The following UNC80 variants were observed in gnomAD, a reference collection of about 807,000 sequenced individuals.
UNC80 encodes the protein protein unc-80 homolog.
Under a neutral mutation model 384.6 loss-of-function variants are expected in UNC80, and 164 were observed. The ratio of observed to expected loss-of-function variants is 0.43; its 90% confidence interval spans 0.38 to 0.49. The LOEUF (loss-of-function observed/expected upper bound fraction) is 0.49. UNC80 is among the 20% of genes least tolerant of loss of function. UNC80 has a pLI of 0.00. For missense variants in UNC80, 3,330 were observed against 4,143.0 expected (o/e 0.80, Z 5.39); for synonymous variants, 1,486 against 1,527.8 (o/e 0.97, Z 0.64).
At chr2:209,801,036 T>G (rs2078515365) in intron 7 of UNC80, among the ~76,000 whole-genome samples, 1 of 152,184 alleles carries the variant, frequency 6.6e-6, no homozygotes, top group Non-Finnish European at 1.5e-5. Flanking sequence ...TCTGTTGACT[T>G]GGGGTAGAGA....
At chr2:209,844,787 G>A (rs1007563779) in intron 21 of UNC80, among the ~76,000 whole-genome samples, 1 of 147,370 alleles carries the variant, frequency 6.8e-6, no homozygotes, top group Non-Finnish European at 1.5e-5. Context: ...AGAGATGGGG[G>A]TGGGGGGATC....
intron 64 of UNC80, among the ~76,000 whole-genome samples, chr2:209,994,937 A>G (rs904630399): frequency 3.3e-5 from 5 of 152,004 alleles, no homozygotes; most frequent in Admixed American, 1.3e-4. Flanking sequence ...TTGTTTTGGT[A>G]TATTTTTTCT....
chr2:209,975,448 G>T (rs971085423), intron 56 of UNC80, among the ~76,000 whole-genome samples: 3 of 152,198 alleles, frequency 2.0e-5, no homozygotes, highest in Non-Finnish European at 4.4e-5. Context: ...AGAGGAAAGA[G>T]ATATGGACAA....
chr2:209,786,061 C>G lies in UNC80; in HGVS notation c.601-5C>G, dbSNP rs181537497. The G allele has an allele frequency of 2.2e-5, 35 of 1,612,812 alleles. No individual in the cohort carries two copies. The highest frequency in any genetic ancestry group is 1.1e-4 in the East Asian group (5 of 44,842). On this transcript the variant is annotated splice_polypyrimidine_tract_variant and splice_region_variant and intron_variant, in intron 4 of 64. Coordinates refer to ENST00000673920, the MANE Select transcript of UNC80 (RefSeq NM_001371986.1). ...ATTGGACATATATCTTCTCCTCCCC[C>G]CTAGGAATCTGACCTCACCTTCCGT... is the stretch of plus-strand genomic sequence containing the variant.
At chr2:209,777,608 G>A in intron 4 of UNC80, 49 bp downstream of exon 4, 1 of 1,531,122 alleles carries the variant, frequency 6.5e-7, no homozygotes, top group South Asian at 1.3e-5. Flanking sequence ...GATGTGGTGA[G>A]GGTAGACTTC....
Position 209,883,072 on chromosome 2 carries a change from G to A in UNC80, c.4110+1978G>A, listed in dbSNP as rs151029966. 3.5e-3 allele frequency among the ~76,000 whole-genome samples: 538 copies of A among 152,088 alleles called. 2 individuals are homozygous for A. The highest frequency in any genetic ancestry group is 0.011 in the African/African-American group (471 of 41,478). The stretch of plus-strand genomic sequence containing the variant: ...AATGTGTACGTTTGTGTATTGTGTC[G>A]AGATGTGGCCTTTATAACATAAAGA... On this transcript the variant is annotated intron_variant, in intron 25 of 64. Coordinates refer to ENST00000673920, the MANE Select transcript of UNC80 (RefSeq NM_001371986.1).
Position 209,954,193 on chromosome 2 carries a change from C to T in UNC80, c.7380C>T (p.Ala2460=), listed in dbSNP as rs1209890280. 1.9e-6 allele frequency: 3 copies of T among 1,551,010 alleles called. No homozygotes were observed. The Admixed American group carries it at 5.9e-5, about 30-fold the overall frequency. The change falls in exon 48 of 65, where the codon GCC becomes GCT. Residue 2460 remains alanine, a synonymous_variant. Coordinates refer to ENST00000673920, the MANE Select transcript of UNC80 (RefSeq NM_001371986.1). The part of the protein sequence containing the change: ...QTSQVETVPA[A]REEIAATAAL... ...CACAGGTGGAGACAGTACCTGCTGC[C>T]CGAGAGGAGATTGCGGCCACTGCTG...
chr2:209,995,486 A>G lies in UNC80; in HGVS notation c.9866A>G (p.His3289Arg), dbSNP rs1056287236. ...CTACAGCATGGAGACACTGTCCTTC[A>G]TATCAGTGAGGAAAATGGCATGGAG... ...SLLQHGDTVL[H>R]ISEENGMENP... is the part of the protein sequence containing the mutation. Residue 3289 changes from histidine (H) to arginine (R), a missense_variant, in exon 65 of 65, where the codon CAT (histidine) becomes CGT (arginine). Physicochemically the swap from His to Arg is conservative, Grantham distance 29. Coordinates refer to ENST00000673920, the MANE Select transcript of UNC80 (RefSeq NM_001371986.1). 14 of 1,551,736 alleles carry G rather than the reference A, an allele frequency of 9.0e-6. No individual in the cohort carries two copies. In the East Asian group the frequency reaches 2.7e-4, roughly 30 times the overall value.
intron 4 of UNC80, among the ~76,000 whole-genome samples, chr2:209,780,844 C>T (rs974721067): frequency 1.3e-5 from 2 of 152,180 alleles, no homozygotes; most frequent in Non-Finnish European, 1.5e-5. Context: ...CCTTTAATCC[C>T]TATGCTTCTT....
chr2:209,866,008 A>G (rs1477133549), intron 22 of UNC80, among the ~76,000 whole-genome samples: 3 of 152,108 alleles, frequency 2.0e-5, no homozygotes, highest in African/African-American at 7.2e-5. Flanking sequence ...CACTGTAGTC[A>G]CTTTGAATAT....
intron 7 of UNC80, 56 bp downstream of exon 7, chr2:209,793,915 A>G (rs1369247981): frequency 6.9e-6 from 11 of 1,599,662 alleles, no homozygotes; most frequent in Non-Finnish European, 9.4e-6. Flanking sequence ...AAAATCAAAT[A>G]TGCATTTTTA....
intron 37 of UNC80, among the ~76,000 whole-genome samples, chr2:209,930,742 A>C (rs1283577600): frequency 1.3e-5 from 2 of 152,206 alleles, no homozygotes; most frequent in African/African-American, 2.4e-5. Flanking sequence ...TTTACTGCTC[A>C]GTGATTTTTA....
chr2:209,952,461 C>T (rs1001239528), intron 47 of UNC80, among the ~76,000 whole-genome samples: 2 of 152,184 alleles, frequency 1.3e-5, no homozygotes, highest in Non-Finnish European at 2.9e-5. Flanking sequence ...CCTAACTCCT[C>T]TTTGGAAGTC....
chr2:209,971,838 G>A (rs565945946), intron 54 of UNC80, among the ~76,000 whole-genome samples: 1 of 152,306 alleles, frequency 6.6e-6, no homozygotes, highest in Non-Finnish European at 1.5e-5. Context: ...ACTACCAAAA[G>A]GAGCAAGTGA....
At chr2:209,902,533 C>T (rs913552577) in intron 28 of UNC80, among the ~76,000 whole-genome samples, 3 of 152,078 alleles carry the variant, frequency 2.0e-5, no homozygotes, top group African/African-American at 7.2e-5. Context: ...ATTAATGGGC[C>T]AAACTTCTTC....
intron 22 of UNC80, among the ~76,000 whole-genome samples, chr2:209,863,943 C>T (rs1232563542): frequency 2.6e-5 from 4 of 151,868 alleles, no homozygotes; most frequent in Non-Finnish European, 5.9e-5. Context: ...AGCATTTTTT[C>T]GTTGATTCTT....
intron 38 of UNC80, among the ~76,000 whole-genome samples, 154 bp from the exon 39 acceptor site, chr2:209,933,668 C>G (rs954783746): frequency 1.3e-5 from 2 of 152,062 alleles, no homozygotes; most frequent in African/African-American, 4.8e-5. Flanking sequence ...GTTATGCCCT[C>G]TCCTGGTAAC....
rs2090815314 is a variant in UNC80, at chr2:209,930,955, GTTC to G, written c.5908-7_5908-5del. 2.0e-6 allele frequency: 3 copies of G among 1,527,050 alleles called. No homozygotes were observed. Among genetic ancestry groups the G allele is most frequent in the Non-Finnish European group, 2.7e-6 (3 of 1,130,982 alleles). 94.6% of individuals were successfully genotyped at this position (1,527,050 alleles called of 1,614,324 possible). The stretch of plus-strand genomic sequence containing the variant: ...AGCTGAAGGAAACATTAAAAATTCT[GTTC>G]TTCTTTCAGGATGAGTTAATGTACA... On this transcript the variant is annotated splice_polypyrimidine_tract_variant and intron_variant, in intron 37 of 64. Transcript: ENST00000673920.
intron 33 of UNC80, 76 bp from the exon 34 acceptor site, chr2:209,921,424 T>G (rs2090032553): frequency 7.4e-7 from 1 of 1,353,764 alleles, no homozygotes; most frequent in African/African-American, 1.5e-5. Context: ...TTTGTGTCAT[T>G]CATTGGAACA....
Sources: allele counts gnomAD v4.1 joint callset (sites outside exome capture counted in the v4.1 genomes callset), GRCh38; gene constraint gnomAD v4.1.1; transcripts MANE v1.5; gene names NCBI Gene and HGNC (gene_info 2026-07-23, HGNC 2026-07-21).